Variants in RBM25 observed in about 807,000 individuals in gnomAD.
RBM25 encodes RNA binding motif protein 25.
RBM25 carries 19 observed loss-of-function variants against 120.7 expected under a neutral mutation model. The observed-to-expected ratio is 0.16, with a 90% CI of 0.11 to 0.23. The LOEUF (loss-of-function observed/expected upper bound fraction) is 0.23. Among genes scored for constraint, RBM25 ranks in the 10% least tolerant of loss-of-function variants. The pLI, the probability that RBM25 is intolerant of heterozygous loss-of-function variation, is 1.00. For missense variants in RBM25, 605 were observed against 1,041.5 expected (o/e 0.58, Z 5.77); for synonymous variants, 390 against 326.7 (o/e 1.19, Z -2.09).
rs1432909805 is a variant in RBM25 at position 73,110,934 on chromosome 14, A to G, written c.1796A>G (p.Glu599Gly). 4 of 1,612,270 alleles carry G rather than the reference A, an allele frequency of 2.5e-6. No homozygotes were observed. Among genetic ancestry groups the G allele is most frequent in the Admixed American group, 3.4e-5 (2 of 59,568 alleles). The change falls in exon 15 of 19, where the codon GAA (glutamate) becomes GGA (glycine). Residue 599 changes from glutamate to glycine, a missense_variant. Transcript: ENST00000261973. The stretch of plus-strand genomic sequence containing the variant: ...CAAGAAAAAGAAGAAAAACGAGAAG[A>G]ACCCATGGAAGAGGAAGAGGAGCCA... ...EKQEKEEKRE[E>G]PMEEEEEPEQ... is the part of the protein sequence containing the mutation.
At position 73,105,953 on chromosome 14, in the gene RBM25, C is replaced by A. The variant is rs952819408; in HGVS notation, c.1249C>A (p.Arg417=). 1.9e-6 allele frequency: 3 copies of A among 1,608,906 alleles called. No individual in the cohort carries two copies. The highest frequency in any genetic ancestry group is 2.7e-5 in the African/African-American group (2 of 73,826). ...RERERERERE[R]EREREREREK... ...ACGAGAACGGGAGCGAGAGAGAGAG[C>A]GAGAGAGGGAACGGGAGCGAGAAAG... Residue 417 remains arginine, a synonymous_variant, in exon 11 of 19, where the codon CGA becomes AGA. Coordinates refer to ENST00000261973, the MANE Select transcript of RBM25 (RefSeq NM_021239.3).
chr14:73,075,491 A>C (rs1436448234), intron 2 of RBM25, among the ~76,000 whole-genome samples: 1 of 152,022 alleles, frequency 6.6e-6, no homozygotes, highest in Admixed American at 6.6e-5. Flanking sequence ...AGAGCCAGGA[A>C]TAACAAGATT....
intron 6 of RBM25, 35 bp from the exon 7 acceptor site, chr14:73,096,880 T>A (rs2140449596): frequency 6.3e-7 from 1 of 1,587,274 alleles, no homozygotes; most frequent in East Asian, 2.2e-5. Flanking sequence ...TCTTGCTTGA[T>A]TTTTCTTTCC....
At chr14:73,119,645 G>A in intron 18 of RBM25, 68 bp from the exon 19 acceptor site, 1 of 1,591,920 alleles carries the variant, frequency 6.3e-7, no homozygotes, top group South Asian at 1.2e-5. Flanking sequence ...TTTTATACTG[G>A]CCACTGTTTT....
chr14:73,106,023 C>G lies in RBM25; in HGVS notation c.1319C>G (p.Ala440Gly). ...KRDREEDEED[A>G]YERRKLERKL... ...GACCGAGAAGAAGATGAAGAAGATGCATACGAACGAAGAAAACTTGAAAGA... is the reference window on the plus strand; with the variant it reads ...GACCGAGAAGAAGATGAAGAAGATGGATACGAACGAAGAAAACTTGAAAGA... Residue 440 changes from alanine (A) to glycine (G), a missense_variant, in exon 11 of 19, where the codon GCA becomes GGA. Coordinates refer to ENST00000261973, the MANE Select transcript of RBM25 (RefSeq NM_021239.3). 1 of 1,611,846 alleles carries G rather than the reference C, an allele frequency of 6.2e-7. No individual in the cohort carries two copies. The highest frequency in any genetic ancestry group is 8.5e-7 in the Non-Finnish European group (1 of 1,179,426).
rs527427952 is a variant in RBM25 at position 73,103,600 on chromosome 14, C to T, written c.1154+122C>T. ...TGTGTGTGTGTGAGACATTCTCACTCTGTCACTCAGCCTGGACTGCAGTGG... is the reference window on the plus strand; with the variant it reads ...TGTGTGTGTGTGAGACATTCTCACTTTGTCACTCAGCCTGGACTGCAGTGG... On this transcript the variant is annotated intron_variant, in intron 10 of 18. Transcript: ENST00000261973. 9.3e-5 allele frequency: 129 copies of T among 1,393,748 alleles called. No homozygotes were observed. The South Asian group carries it at 9.7e-4, about 10-fold the overall frequency. The allele number at this position is 1,393,748 out of a possible 1,614,324, so 86.3% of individuals were successfully genotyped here.
chr14:73,067,118 GACGTGCAATGGC>G (rs1895157115), intron 1 of RBM25, among the ~76,000 whole-genome samples: 1 of 139,978 alleles, frequency 7.1e-6, no homozygotes, highest in Admixed American at 7.6e-5. Context: ...CGCCCAGGCT[GACGTGCAATGGC>G]ACCGTCTCGG....
At chr14:73,068,733 CCT>C (rs1895204481) in intron 1 of RBM25, 1 of 283,034 alleles carries the variant, frequency 3.5e-6, no homozygotes, top group Non-Finnish European at 7.0e-6. Context: ...GCAGCCACCC[CCT>C]CTCCTAATTT....
At chr14:73,089,027 A>G (rs1393708707) in intron 6 of RBM25, among the ~76,000 whole-genome samples, 1 of 152,126 alleles carries the variant, frequency 6.6e-6, no homozygotes, top group Non-Finnish European at 1.5e-5. Context: ...CTGTAATCCC[A>G]GCAACTCAGA....
rs1047908097 is a variant in RBM25 at position 73,122,884 on chromosome 14, A to T, written c.*3079A>T. ...GATTAGCACTTTAAGGTGTCTATTC[A>T]GTATTATTTTATCCTAACAGACTAC... On this transcript the variant is annotated 3_prime_UTR_variant, in exon 19 of 19. Coordinates refer to ENST00000261973, the MANE Select transcript of RBM25 (RefSeq NM_021239.3). 6.6e-6 allele frequency: 1 copy of T among 152,244 alleles called. No individual in the cohort carries two copies. The highest frequency in any genetic ancestry group is 2.4e-5 in the African/African-American group (1 of 41,458). The allele number at this position is 152,244 out of a possible 1,614,324, so 9.4% of individuals were successfully genotyped here.
At chr14:73,083,367 C>T (rs983935119) in intron 4 of RBM25, 127 bp from the exon 5 acceptor site, 24 of 682,674 alleles carry the variant, frequency 3.5e-5, no homozygotes, top group Admixed American at 2.0e-4. Context: ...AAAATTTTCG[C>T]AAATGTAGTT....
chr14:73,068,288 T>C, intron 1 of RBM25: 1 of 843,500 alleles, frequency 1.2e-6, no homozygotes, highest in Non-Finnish European at 2.0e-6. Flanking sequence ...GGTTTGTGGG[T>C]CACTCTCTTG....
At chr14:73,076,177 A>T in intron 2 of RBM25, 142 bp from the exon 3 acceptor site, 1 of 700,754 alleles carries the variant, frequency 1.4e-6, no homozygotes, top group Non-Finnish European at 2.4e-6. Context: ...TTTTGAAAAT[A>T]AGATAGTATT....
chr14:73,095,978 A>T (rs1186360351), intron 6 of RBM25, among the ~76,000 whole-genome samples: 2 of 152,120 alleles, frequency 1.3e-5, no homozygotes, highest in Non-Finnish European at 2.9e-5. Flanking sequence ...TTCTTAGAAA[A>T]TAATAATTAT....
At chr14:73,082,763 T>A (rs1895592141) in intron 4 of RBM25, among the ~76,000 whole-genome samples, 1 of 152,250 alleles carries the variant, frequency 6.6e-6, no homozygotes, top group South Asian at 2.1e-4. Context: ...TCAAGCGTTT[T>A]CCCATGTTAA....
chr14:73,100,477 T>C (rs1021673746), intron 9 of RBM25: 1 of 489,938 alleles, frequency 2.0e-6, no homozygotes, highest in Non-Finnish European at 3.7e-6. Context: ...CACTCACGAG[T>C]TTTGCCTATT....
chr14:73,105,749 C>A, intron 10 of RBM25, 110 bp from the exon 11 acceptor site: 1 of 1,481,252 alleles, frequency 6.8e-7, no homozygotes, highest in Non-Finnish European at 9.0e-7. Context: ...GTGCTAGATT[C>A]TGGCCTGTGA....
At chr14:73,106,155 A>G (rs369932681) in intron 11 of RBM25, 41 bp from the exon 12 acceptor site, 52 of 1,578,076 alleles carry the variant, frequency 3.3e-5, no homozygotes, top group Non-Finnish European at 3.9e-5. Flanking sequence ...ATAGAATGCT[A>G]TGTATAAATT....
At chr14:73,100,550 G>C (rs1416506991) in intron 9 of RBM25, 1 of 434,798 alleles carries the variant, frequency 2.3e-6, no homozygotes, top group East Asian at 3.4e-5. Flanking sequence ...TGATGCTTTT[G>C]AACGGTGCAA....
Sources: allele counts gnomAD v4.1 joint callset (sites outside exome capture counted in the v4.1 genomes callset), GRCh38; gene constraint gnomAD v4.1.1; transcripts MANE v1.5; gene names NCBI Gene and HGNC (gene_info 2026-07-23, HGNC 2026-07-21).